Variants in TMCO1 observed in about 807,000 individuals in gnomAD.
TMCO1 encodes the protein transmembrane and coiled-coil domains 1.
In TMCO1, 29 loss-of-function variants were observed where a neutral mutation model predicts 29.3. The ratio of observed to expected loss-of-function variants is 0.99; its 90% CI spans 0.74 to 1.35. The LOEUF is 1.35. TMCO1 is among the 40% of genes most tolerant of loss of function. TMCO1 has a pLI of 0.00. For missense variants in TMCO1, 173 were observed against 225.5 expected (o/e 0.77, Z 1.49); for synonymous variants, 80 against 77.1 (o/e 1.04, Z -0.20).
At chr1:165,733,461 C>T (rs963432400) in intron 6 of TMCO1, among the ~76,000 whole-genome samples, 8 of 151,872 alleles carry the variant, frequency 5.3e-5, no homozygotes, top group African/African-American at 1.7e-4. Flanking sequence ...TGGTGAAACC[C>T]GTCTCCACAT....
intron 3 of TMCO1, among the ~76,000 whole-genome samples, chr1:165,756,571 C>T (rs1407036096): frequency 1.3e-5 from 2 of 151,954 alleles, no homozygotes; most frequent in East Asian, 3.9e-4. Flanking sequence ...GCAAAATAGT[C>T]AAAACATTTG....
intron 5 of TMCO1, among the ~76,000 whole-genome samples, chr1:165,749,321 G>A (rs74121471): frequency 0.012 from 1,876 of 151,858 alleles, 44 homozygotes; most frequent in African/African-American, 0.044. Context: ...TGATTCTGAT[G>A]CACATTCCTG....
chr1:165,749,366 T>C (rs918211999), intron 5 of TMCO1, among the ~76,000 whole-genome samples: 1 of 152,250 alleles, frequency 6.6e-6, no homozygotes, highest in Non-Finnish European at 1.5e-5. Flanking sequence ...GGGAAGCTAC[T>C]GATACGTAAT....
At chr1:165,761,722 G>A (rs1394083165) in intron 2 of TMCO1, among the ~76,000 whole-genome samples, 1 of 152,018 alleles carries the variant, frequency 6.6e-6, no homozygotes, top group African/African-American at 2.4e-5. Context: ...GCCAAGATGG[G>A]AAGATCATTT....
rs1650966199 is a variant in TMCO1 at position 165,727,826 on chromosome 1, A to G, written c.*197T>C. On this transcript the variant is annotated 3_prime_UTR_variant, in exon 7 of 7. Transcript: ENST00000367881. Reference sequence around the variant, plus strand: ...TAATCAATCCACTTATTTGATAAAAATCATCTAGGACCAAAAGCACTATCA... The same window carrying G: ...TAATCAATCCACTTATTTGATAAAAGTCATCTAGGACCAAAAGCACTATCA... 3 of 517,398 alleles carry G rather than the reference A, an allele frequency of 5.8e-6. No individual in the cohort carries two copies. Among genetic ancestry groups the G allele is most frequent in the African/African-American group, 3.9e-5 (2 of 51,910 alleles). 32.1% of individuals were successfully genotyped at this position (517,398 alleles called of 1,614,324 possible).
chr1:165,747,566 G>A (rs1303759581), intron 5 of TMCO1, among the ~76,000 whole-genome samples: 1 of 152,140 alleles, frequency 6.6e-6, no homozygotes, highest in Non-Finnish European at 1.5e-5. Context: ...AAGTGCCCCA[G>A]GAACAGTGAA....
In TMCO1 at chr1:165,768,860, A is replaced by AC; in HGVS notation, c.-110dup. ...AGACTCCGCCACCACCGAGTAACAGACCAACTCTGACAGCCCGAAGATCGC... is the reference window on the plus strand; with the variant it reads ...AGACTCCGCCACCACCGAGTAACAGACCCAACTCTGACAGCCCGAAGATCGC... On this transcript the variant is annotated 5_prime_UTR_variant, in exon 1 of 7. Transcript: ENST00000367881. The AC allele has an allele frequency of 1.9e-6, 3 of 1,569,600 alleles. No homozygotes were observed. The South Asian group carries it at 3.5e-5, about 18-fold the overall frequency.
At position 165,752,094 on chromosome 1, in the gene TMCO1, A is replaced by G. The variant is rs1276896412; in HGVS notation, c.323+8T>C. On this transcript the variant is annotated splice_region_variant and intron_variant, in intron 5 of 6. Transcript: ENST00000367881. ...TTATTAGTCAAAAGCATATAAAAGG[A>G]CACTCACATGGAATTGAACATTCCC... 6.2e-7 allele frequency: 1 copy of G among 1,606,272 alleles called. No homozygotes were observed. Among genetic ancestry groups the G allele is most frequent in the South Asian group, 1.1e-5 (1 of 90,890 alleles).
chr1:165,724,506 G>A (rs1650771464), downstream of TMCO1: 1 of 454,000 alleles, frequency 2.2e-6, no homozygotes, highest in African/African-American at 2.0e-5. Flanking sequence ...CCCCAAACCT[G>A]CAGCTTCAGC....
intron 6 of TMCO1, 125 bp from the exon 7 acceptor site, chr1:165,728,246 T>A (rs771709604): frequency 3.0e-6 from 2 of 676,384 alleles, no homozygotes; most frequent in Middle Eastern, 3.8e-4. Context: ...TGACCTGCAA[T>A]AGGATGATTA....
chr1:165,740,843 C>G (rs74121442), intron 6 of TMCO1, among the ~76,000 whole-genome samples: 2,022 of 152,280 alleles, frequency 0.013, 52 homozygotes, highest in African/African-American at 0.047. Flanking sequence ...CCTCCACCAT[C>G]TTATGATGTA....
intron 6 of TMCO1, among the ~76,000 whole-genome samples, chr1:165,731,951 T>C (rs1277306722): frequency 1.3e-5 from 2 of 152,258 alleles, no homozygotes; most frequent in Admixed American, 6.5e-5. Context: ...ATTTACTGCA[T>C]GCAATTTTAT....
At chr1:165,746,453 T>TAACACACACACA (rs375022011) in intron 5 of TMCO1, among the ~76,000 whole-genome samples, 15 of 132,326 alleles carry the variant, frequency 1.1e-4, no homozygotes, top group Non-Finnish European at 2.0e-4. Context: ...AAGACCTATA[T>TAACACACACACA]CACACACACA....
Position 165,743,269 on chromosome 1 carries a change from AAG to A in TMCO1, c.364_365del (p.Leu122PhefsTer15). ...GATGAGACAGTCCTTGGATGTAAGA[AAG>A]AGGGGTAAAAGGAAGCTTTGCCACC... ...RVVAKLPFTPLSYIQGLSHRN... is the reference protein window; with the variant it reads ...RVVAKLPFTPXSYIQGLSHRN... On this transcript the variant is annotated frameshift_variant, in exon 6 of 7. Transcript: ENST00000367881. LOFTEE classifies it high-confidence loss of function. 1 of 1,614,002 alleles carries A rather than the reference AAG, an allele frequency of 6.2e-7. No homozygotes were observed. The highest frequency in any genetic ancestry group is 8.5e-7 in the Non-Finnish European group (1 of 1,179,968).
intron 5 of TMCO1, among the ~76,000 whole-genome samples, chr1:165,751,485 C>A (rs1651991231): frequency 6.6e-6 from 1 of 152,224 alleles, no homozygotes; most frequent in East Asian, 1.9e-4. Context: ...AGGTGAATCA[C>A]CTGAGGTTAG....
At chr1:165,740,061 G>A (rs762088133) in intron 6 of TMCO1, among the ~76,000 whole-genome samples, 62 of 151,892 alleles carry the variant, frequency 4.1e-4, no homozygotes, top group Non-Finnish European at 6.9e-4. Context: ...GCAGTGAGCC[G>A]AGATCGAGCT....
intron 2 of TMCO1, 127 bp downstream of exon 2, chr1:165,768,065 T>C: frequency 2.4e-6 from 2 of 825,672 alleles, no homozygotes; most frequent in Non-Finnish European, 2.0e-6. Flanking sequence ...AAAAGTCTTC[T>C]ATTTCTAAAT....
At chr1:165,765,603 T>C (rs2101818234) in intron 2 of TMCO1, among the ~76,000 whole-genome samples, 1 of 152,272 alleles carries the variant, frequency 6.6e-6, no homozygotes, top group East Asian at 1.9e-4. Flanking sequence ...AATAGAGTGG[T>C]CAACTTAAGA....
At chr1:165,764,155 G>T (rs1652492352) in intron 2 of TMCO1, among the ~76,000 whole-genome samples, 1 of 152,188 alleles carries the variant, frequency 6.6e-6, no homozygotes, top group African/African-American at 2.4e-5. Context: ...ATGACATGAA[G>T]AAATGTATAC....
Sources: allele counts gnomAD v4.1 joint callset (sites outside exome capture counted in the v4.1 genomes callset), GRCh38; gene constraint gnomAD v4.1.1; transcripts MANE v1.5; gene names NCBI Gene and HGNC (gene_info 2026-07-23, HGNC 2026-07-21).